Variants in SATB2 observed in about 807,000 individuals in gnomAD.
The protein encoded by SATB2 is DNA-binding protein SATB2.
A neutral mutation model predicts 73.4 loss-of-function variants in SATB2; 1 was observed. The observed-to-expected ratio is 0.01, with a 90% CI of 0.00 to 0.06. The LOEUF is 0.06. Among genes scored for constraint, SATB2 ranks in the 10% least tolerant of loss-of-function variants. The pLI is 1.00. For missense variants in SATB2, 459 were observed against 945.8 expected (o/e 0.49, Z 6.75); for synonymous variants, 397 against 367.0 (o/e 1.08, Z -0.93).
At chr2:199,295,941 T>C (rs994533864) in intron 10 of SATB2, among the ~76,000 whole-genome samples, 9 of 152,192 alleles carry the variant, frequency 5.9e-5, no homozygotes, top group African/African-American at 2.2e-4. Flanking sequence ...TTCCTTTAAT[T>C]GAAAGTGTGC....
intron 9 of SATB2, among the ~76,000 whole-genome samples, chr2:199,309,818 T>C (rs967733444): frequency 3.9e-5 from 6 of 152,330 alleles, no homozygotes; most frequent in African/African-American, 1.4e-4. Context: ...ACATCATGTC[T>C]CTTGCAAAAG....
chr2:199,300,579 G>A (rs533311993), intron 10 of SATB2, among the ~76,000 whole-genome samples: 4 of 151,930 alleles, frequency 2.6e-5, no homozygotes, highest in Non-Finnish European at 5.9e-5. Context: ...TGAGCACCGG[G>A]CTTGTATCCA....
At chr2:199,350,495 T>C (rs1344263540) in intron 6 of SATB2, among the ~76,000 whole-genome samples, 1 of 152,122 alleles carries the variant, frequency 6.6e-6, no homozygotes, top group Non-Finnish European at 1.5e-5. Context: ...CAATGAACTG[T>C]ATGGGTGGAA....
chr2:199,466,892 T>C (rs1692603489), upstream of SATB2, among the ~76,000 whole-genome samples: 1 of 152,258 alleles, frequency 6.6e-6, no homozygotes, highest in South Asian at 2.1e-4. Context: ...CAAGCTCTAT[T>C]TACAAGAACA....
In SATB2 at chr2:199,328,695, C is replaced by T; in HGVS notation, c.1386+3G>A. 1 of 1,611,906 alleles carries T rather than the reference C, an allele frequency of 6.2e-7. No individual in the cohort carries two copies. Among genetic ancestry groups the T allele is most frequent in the East Asian group, 2.2e-5 (1 of 44,876 alleles). On this transcript the variant is annotated splice_donor_region_variant and intron_variant, in intron 8 of 10. Coordinates refer to ENST00000417098, the MANE Select transcript of SATB2 (RefSeq NM_001172509.2). The stretch of plus-strand genomic sequence containing the variant: ...TGAAAAATACGGAAAGCAAGTTTCT[C>T]ACCTGAGGGGTTCGGGAGGAGCTGG...
chr2:199,441,507 G>T (rs770858707), intron 2 of SATB2, among the ~76,000 whole-genome samples: 4 of 152,172 alleles, frequency 2.6e-5, no homozygotes, highest in Non-Finnish European at 5.9e-5. Context: ...GGTTGAGAAT[G>T]ATATCAAGAA....
chr2:199,388,125 C>T (rs1690015258), intron 3 of SATB2, among the ~76,000 whole-genome samples: 1 of 152,126 alleles, frequency 6.6e-6, no homozygotes. Context: ...TCAATCATGT[C>T]TGAGGATAAA....
intron 10 of SATB2, among the ~76,000 whole-genome samples, chr2:199,274,060 G>A (rs1692239581): frequency 6.6e-6 from 1 of 152,200 alleles, no homozygotes; most frequent in East Asian, 1.9e-4. Context: ...TTAGGTCAGT[G>A]CCTAACTTCC....
chr2:199,315,617 G>A (rs1687711244), intron 9 of SATB2, among the ~76,000 whole-genome samples: 1 of 152,014 alleles, frequency 6.6e-6, no homozygotes, highest in Admixed American at 6.6e-5. Flanking sequence ...CAGCCCCCAT[G>A]TTTTTTCCTT....
intron 8 of SATB2, among the ~76,000 whole-genome samples, chr2:199,328,315 CG>C (rs1688089023): frequency 6.6e-6 from 1 of 152,096 alleles, no homozygotes; most frequent in Non-Finnish European, 1.5e-5. Flanking sequence ...CCAAGGCAAG[CG>C]GATCACCTGA....
intron 6 of SATB2, among the ~76,000 whole-genome samples, chr2:199,364,063 T>C (rs1689216418): frequency 1.3e-5 from 2 of 152,214 alleles, no homozygotes; most frequent in Admixed American, 6.5e-5. Context: ...GATACCACCA[T>C]GGCTAAGCAA....
At chr2:199,349,727 GTTTC>G (rs992583856) in intron 6 of SATB2, among the ~76,000 whole-genome samples, 16 of 152,042 alleles carry the variant, frequency 1.1e-4, no homozygotes, top group Non-Finnish European at 2.1e-4. Flanking sequence ...TTATAGAAAT[GTTTC>G]TTTAAGAAAT....
chr2:199,274,810 G>A (rs754786049), intron 10 of SATB2, among the ~76,000 whole-genome samples: 20 of 151,102 alleles, frequency 1.3e-4, no homozygotes, highest in Non-Finnish European at 1.8e-4. Flanking sequence ...AATTATACCC[G>A]GCAGGAAAAG....
chr2:199,432,123 G>A (rs922698342), intron 3 of SATB2, among the ~76,000 whole-genome samples: 8 of 152,272 alleles, frequency 5.3e-5, no homozygotes, highest in Admixed American at 4.6e-4. Flanking sequence ...ATATCACTGC[G>A]CCCAGCCTGG....
chr2:199,379,980 C>A (rs1460002508), intron 5 of SATB2, among the ~76,000 whole-genome samples: 1 of 151,952 alleles, frequency 6.6e-6, no homozygotes, highest in Non-Finnish European at 1.5e-5. Flanking sequence ...ACCTCCCAGT[C>A]TGAAGCAATC....
chr2:199,271,811 C>T lies in SATB2; in HGVS notation c.*400G>A, dbSNP rs551588093. On this transcript the variant is annotated 3_prime_UTR_variant, in exon 11 of 11. Transcript: ENST00000417098. ...AGAGATATATACATATACATATACA[C>T]ACACACTTGTAGCTTCCTTCATTTA... 2.4e-4 allele frequency: 68 copies of T among 288,734 alleles called. No individual in the cohort carries two copies. Among genetic ancestry groups the T allele is most frequent in the Non-Finnish European group, 4.2e-4 (63 of 149,066 alleles). The allele number at this position is 288,734 out of a possible 1,614,324, so 17.9% of individuals were successfully genotyped here.
intron 3 of SATB2, among the ~76,000 whole-genome samples, chr2:199,402,827 C>T (rs1433526303): frequency 2.0e-5 from 3 of 152,124 alleles, no homozygotes; most frequent in Non-Finnish European, 2.9e-5. Context: ...TGACGAATAT[C>T]TTAGAACACT....
rs1268447041 is a variant in SATB2, at chr2:199,272,182, T to C, written c.*29A>G. On this transcript the variant is annotated 3_prime_UTR_variant, in exon 11 of 11. Coordinates refer to ENST00000417098, the MANE Select transcript of SATB2 (RefSeq NM_001172509.2). This position sits in a 1 kb window ranked among gnomAD's most constrained non-coding sequence, Gnocchi z 6.7. ...TGAAAGCAGAAAATCCTTGGACCGA[T>C]GTATTGCTTTGCCTAGTAGAAGTTC... is the stretch of plus-strand genomic sequence containing the variant. 3.8e-6 allele frequency: 6 copies of C among 1,581,132 alleles called. No homozygotes were observed. Among genetic ancestry groups the C allele is most frequent in the Non-Finnish European group, 5.2e-6 (6 of 1,150,772 alleles).
At chr2:199,433,185 C>A (rs1451429418) in intron 3 of SATB2, among the ~76,000 whole-genome samples, 153 bp downstream of exon 3, 1 of 152,190 alleles carries the variant, frequency 6.6e-6, no homozygotes, top group Non-Finnish European at 1.5e-5. Flanking sequence ...AGAAACAAGA[C>A]CTTCTACAAG....
Sources: allele counts gnomAD v4.1 joint callset (sites outside exome capture counted in the v4.1 genomes callset), GRCh38; gene constraint gnomAD v4.1.1; non-coding constraint Gnocchi (gnomAD v3.1); transcripts MANE v1.5; gene names NCBI Gene and HGNC (gene_info 2026-07-23, HGNC 2026-07-21).